Variants in MYO16 observed in about 807,000 individuals in gnomAD.
MYO16 encodes myosin XVI.
MYO16 carries 94 observed loss-of-function variants against 205.3 expected under a neutral mutation model. The observed-to-expected ratio is 0.46, with a 90% CI of 0.39 to 0.54. The LOEUF is 0.54. MYO16 is among the 20% of genes least tolerant of loss of function. The pLI is 0.00. For synonymous variants in MYO16, 988 were observed against 954.0 expected (o/e 1.04, Z -0.66); for missense variants, 2,315 against 2,387.5 (o/e 0.97, Z 0.63).
intron 27 of MYO16, among the ~76,000 whole-genome samples, chr13:109,063,243 A>G (rs1887644594): frequency 6.6e-6 from 1 of 152,128 alleles, no homozygotes; most frequent in East Asian, 1.9e-4. Flanking sequence ...TTTAGTTGAG[A>G]GGATACTATT....
intron 3 of MYO16, 31 bp from the exon 4 acceptor site, chr13:108,727,409 A>C: frequency 6.2e-7 from 1 of 1,601,242 alleles, no homozygotes; most frequent in Non-Finnish European, 8.5e-7. Context: ...GTTTGTAATA[A>C]TTTGATATTT....
chr13:108,640,997 G>C (rs954726748), intron 1 of MYO16, among the ~76,000 whole-genome samples: 1 of 152,166 alleles, frequency 6.6e-6, no homozygotes, highest in Non-Finnish European at 1.5e-5. Context: ...TAAGGAGAAA[G>C]CTTCATACTG....
chr13:108,948,548 T>G (rs1383613288), intron 16 of MYO16, among the ~76,000 whole-genome samples: 2 of 152,234 alleles, frequency 1.3e-5, no homozygotes, highest in Non-Finnish European at 2.9e-5. Flanking sequence ...GGAGACACAG[T>G]AGGTGCGGCC....
intron 4 of MYO16, among the ~76,000 whole-genome samples, chr13:108,780,728 T>C (rs12862455): frequency 0.08 from 12,187 of 152,266 alleles, 625 homozygotes; most frequent in Non-Finnish European, 0.12. Flanking sequence ...GCACTTCACA[T>C]GCACCAGGCA....
the MYO16 span, among the ~76,000 whole-genome samples, chr13:108,507,663 A>C: frequency 6.6e-6 from 1 of 152,108 alleles, no homozygotes; most frequent in African/African-American, 2.4e-5. Flanking sequence ...TTTCATCCTC[A>C]GATTAGAGAA....
chr13:108,916,095 T>G (rs1881484388), intron 16 of MYO16, among the ~76,000 whole-genome samples: 1 of 152,228 alleles, frequency 6.6e-6, no homozygotes, highest in African/African-American at 2.4e-5. Flanking sequence ...TATAATAAGC[T>G]GTTTACTTAG....
chr13:109,146,296 T>C (rs1360057232), intron 32 of MYO16, among the ~76,000 whole-genome samples: 4 of 152,250 alleles, frequency 2.6e-5, no homozygotes, highest in African/African-American at 9.6e-5. Context: ...ACAATTTTTT[T>C]ACAATATACT....
chr13:108,797,879 A>G (rs975242345), intron 6 of MYO16, among the ~76,000 whole-genome samples: 1 of 152,240 alleles, frequency 6.6e-6, no homozygotes, highest in Non-Finnish European at 1.5e-5. Context: ...TAGAGAAGCT[A>G]TTGAAGTAAT....
intron 9 of MYO16, among the ~76,000 whole-genome samples, chr13:108,826,926 G>T (rs1594323862): frequency 6.6e-6 from 1 of 152,268 alleles, no homozygotes; most frequent in East Asian, 1.9e-4. Context: ...CTCTCGTATG[G>T]TGGTAGTGGG....
chr13:108,883,934 T>G (rs1462811442), intron 13 of MYO16, among the ~76,000 whole-genome samples: 1 of 152,192 alleles, frequency 6.6e-6, no homozygotes, highest in African/African-American at 2.4e-5. Flanking sequence ...CCAGAATATT[T>G]TTTGAATTTG....
At chr13:108,934,855 C>G (rs2139299785) in intron 16 of MYO16, among the ~76,000 whole-genome samples, 1 of 152,128 alleles carries the variant, frequency 6.6e-6, no homozygotes, top group East Asian at 1.9e-4. Flanking sequence ...AGATAGCTAT[C>G]CCCACACTAT....
At chr13:109,192,663 G>A (rs1046808955) in intron 34 of MYO16, among the ~76,000 whole-genome samples, 25 of 152,078 alleles carry the variant, frequency 1.6e-4, no homozygotes, top group Admixed American at 3.9e-4. Context: ...ACCCAACCTT[G>A]ACTATCTTCT....
upstream of MYO16, among the ~76,000 whole-genome samples, chr13:108,594,578 A>C (rs538019636): frequency 1.2e-4 from 18 of 152,176 alleles, no homozygotes; most frequent in Non-Finnish European, 2.6e-4. Context: ...GAAACCATAT[A>C]CTGGAGGATT....
chr13:109,035,393 T>G (rs985519012), intron 23 of MYO16, among the ~76,000 whole-genome samples: 1 of 152,148 alleles, frequency 6.6e-6, no homozygotes, highest in South Asian at 2.1e-4. Flanking sequence ...TTATTTAAAA[T>G]GCACTGTAGG....
intron 34 of MYO16, among the ~76,000 whole-genome samples, chr13:109,205,414 G>T (rs1227571744): frequency 1.3e-5 from 2 of 152,152 alleles, no homozygotes; most frequent in Non-Finnish European, 2.9e-5. Flanking sequence ...CTACATAAGT[G>T]CATAACCACT....
At chr13:108,640,613 A>C (rs542703544) in intron 1 of MYO16, among the ~76,000 whole-genome samples, 1 of 152,316 alleles carries the variant, frequency 6.6e-6, no homozygotes, top group South Asian at 2.1e-4. Flanking sequence ...TTGGAAAGTG[A>C]AACCCATCTA....
chr13:108,968,050 A>G (rs1175252415), intron 20 of MYO16, among the ~76,000 whole-genome samples: 1 of 152,230 alleles, frequency 6.6e-6, no homozygotes, highest in African/African-American at 2.4e-5. Flanking sequence ...CATTATTACA[A>G]AACTCATGAT....
At chr13:108,506,556 G>A in the MYO16 span, among the ~76,000 whole-genome samples, 3 of 152,100 alleles carry the variant, frequency 2.0e-5, no homozygotes, top group East Asian at 5.8e-4. Flanking sequence ...CTAACAGTTT[G>A]CACATGTATG....
chr13:109,188,819 C>T (rs1262057172), intron 34 of MYO16, among the ~76,000 whole-genome samples: 2 of 152,142 alleles, frequency 1.3e-5, no homozygotes, highest in Non-Finnish European at 2.9e-5. Flanking sequence ...CAGGGCCAGG[C>T]GCAGTGGCTC....
Sources: gnomAD v4.1 joint callset for allele counts (sites outside exome capture counted in the v4.1 genomes callset) on GRCh38, gnomAD v4.1.1 for gene constraint, MANE v1.5 for transcripts, NCBI Gene and HGNC (gene_info 2026-07-23, HGNC 2026-07-21) for gene names.